The following CDK9 variants were observed in gnomAD, a reference collection of about 807,000 sequenced individuals.
CDK9 encodes cyclin-dependent kinase 9.
CDK9 carries 34 observed loss-of-function variants against 39.0 expected under a neutral mutation model. The ratio of observed to expected loss-of-function variants is 0.87; its 90% CI spans 0.66 to 1.16. CDK9 has a LOEUF of 1.16. CDK9 is among the 50% of genes most tolerant of loss of function. The probability of loss-of-function intolerance (pLI) is 0.00; values close to 1 mark genes in which losing one functional copy is unlikely to be tolerated. For synonymous variants in CDK9, 233 were observed against 196.2 expected (o/e 1.19, Z -1.57); for missense variants, 369 against 503.2 (o/e 0.73, Z 2.55).
At position 127,786,795 on chromosome 9, in the gene CDK9, C is replaced by T. The variant is rs1829329746; in HGVS notation, c.174+13C>T. The T allele has an allele frequency of 1.2e-6, 2 of 1,611,438 alleles. No homozygotes were observed. The highest frequency in any genetic ancestry group is 8.5e-7 in the Non-Finnish European group (1 of 1,178,412). ...CGAGAAGGAGGGGGTGAGTACGGAT[C>T]GGGCGTGCGGGCCGGCCGGCTAACT... On this transcript the variant is annotated intron_variant, in intron 2 of 6. Coordinates refer to ENST00000373264, the MANE Select transcript of CDK9 (RefSeq NM_001261.4).
rs62587186 is a variant in CDK9, at chr9:127,786,547, G to C, written c.93-154G>C. Among the ~76,000 whole-genome samples the C allele has an allele frequency of 8.0e-3, 1,212 of 152,330 alleles. 14 individuals are homozygous for C. The highest frequency in any genetic ancestry group is 0.013 in the Non-Finnish European group (853 of 68,018). On this transcript the variant is annotated intron_variant, in intron 1 of 6. Transcript: ENST00000373264. ...GGAAGCAGAGGCTCCGAACGAGACA[G>C]GCTGCCGGGTGGCGGGGTAGCCGCG... is the stretch of plus-strand genomic sequence containing the variant.
intron 3 of CDK9, 138 bp downstream of exon 3, chr9:127,787,746 A>G (rs1417660793): frequency 8.2e-6 from 7 of 850,954 alleles, no homozygotes; most frequent in South Asian, 1.6e-5. Flanking sequence ...GTCCTCTTTC[A>G]TCGTAGCTGG....
chr9:127,788,027 A>T lies in CDK9; in HGVS notation c.346A>T (p.Asn116Tyr). 6.2e-7 allele frequency: 1 copy of T among 1,614,194 alleles called. No individual in the cohort carries two copies. The highest frequency in any genetic ancestry group is 8.5e-7 in the Non-Finnish European group (1 of 1,180,034). The change falls in exon 4 of 7, where the codon AAT (asparagine) becomes TAT (tyrosine). Residue 116 changes from asparagine (N) to tyrosine (Y), a missense_variant. By Grantham distance (143) the Asn-to-Tyr change is moderately radical. Coordinates refer to ENST00000373264, the MANE Select transcript of CDK9 (RefSeq NM_001261.4). ...CEHDLAGLLSNVLVKFTLSEI... is the reference protein window; with the variant it reads ...CEHDLAGLLSYVLVKFTLSEI... Reference sequence around the variant, plus strand: ...GCATGACCTTGCTGGGCTGTTGAGCAATGTTTTGGTCAAGTTCACGCTGTC... The same window carrying T: ...GCATGACCTTGCTGGGCTGTTGAGCTATGTTTTGGTCAAGTTCACGCTGTC...
rs202049005 is a variant in CDK9 at position 127,788,300 on chromosome 9, C to G, written c.519C>G (p.Ala173=). ...TGGCAGACTTTGGGCTGGCCCGGGCCTTCAGCCTGGCCAAGAACAGCCAGC... is the reference window on the plus strand; with the variant it reads ...TGGCAGACTTTGGGCTGGCCCGGGCGTTCAGCCTGGCCAAGAACAGCCAGC... ...LKLADFGLAR[A]FSLAKNSQPN... Residue 173 remains alanine, a synonymous_variant, in exon 5 of 7, where the codon GCC becomes GCG. Transcript: ENST00000373264. 522 of 1,613,306 alleles carry G rather than the reference C, an allele frequency of 3.2e-4. 1 individual carries two copies. The highest frequency in any genetic ancestry group is 3.9e-4 in the Non-Finnish European group (455 of 1,179,976).
At chr9:127,786,880 T>G in intron 2 of CDK9, 98 bp downstream of exon 2, 1 of 959,744 alleles carries the variant, frequency 1.0e-6, no homozygotes, top group Non-Finnish European at 1.6e-6. Flanking sequence ...GGTTGAGATT[T>G]AATTTTTTTG....
At chr9:127,787,368 A>C in intron 2 of CDK9, 150 bp from the exon 3 acceptor site, 1 of 573,178 alleles carries the variant, frequency 1.7e-6, no homozygotes, top group East Asian at 2.8e-5. Flanking sequence ...GCATGCTACT[A>C]ATATCCATTT....
At chr9:127,788,148 G>C in intron 4 of CDK9, 35 bp downstream of exon 4, 1 of 1,613,650 alleles carries the variant, frequency 6.2e-7, no homozygotes. Flanking sequence ...ACCCAGGCTT[G>C]GGCTGGTCTT....
At chr9:127,788,721 A>G in intron 6 of CDK9, 29 bp downstream of exon 6, 1 of 1,555,904 alleles carries the variant, frequency 6.4e-7, no homozygotes. Flanking sequence ...CACGGGGTGC[A>G]GAGATCGAGG....
At chr9:127,788,773 G>T in intron 6 of CDK9, 81 bp downstream of exon 6, 1 of 1,382,808 alleles carries the variant, frequency 7.2e-7, no homozygotes, top group Non-Finnish European at 9.7e-7. Context: ...TGGAAGGAGC[G>T]CTCCTCTCTG....
chr9:127,789,164 C>A lies in CDK9; in HGVS notation c.754-14C>A. On this transcript the variant is annotated splice_polypyrimidine_tract_variant and intron_variant, in intron 6 of 6. Coordinates refer to ENST00000373264, the MANE Select transcript of CDK9 (RefSeq NM_001261.4). The surrounding 1 kb of genome is among the most constrained non-coding windows in gnomAD (Gnocchi z 5.2). ...ACCGGACTCCATATTCTCTCAACGC[C>A]CCCTCCCTCCCAGGTGTGGCCAAAC... is the stretch of plus-strand genomic sequence containing the variant. 6.5e-7 allele frequency: 1 copy of A among 1,549,086 alleles called. No homozygotes were observed. The highest frequency in any genetic ancestry group is 1.2e-5 in the South Asian group (1 of 81,900).
chr9:127,789,653 T>TC lies in CDK9; in HGVS notation c.*114dup. 7.2e-7 allele frequency: 1 copy of TC among 1,394,438 alleles called. No homozygotes were observed. The allele number at this position is 1,394,438 out of a possible 1,614,324, so 86.4% of individuals were successfully genotyped here. ...TATCTCTCATGCATATTTTATTTAATCCCCACCCTGGGCTCTGGGAGCAGC... is the reference window on the plus strand; with the variant it reads ...TATCTCTCATGCATATTTTATTTAATCCCCCACCCTGGGCTCTGGGAGCAGC... On this transcript the variant is annotated 3_prime_UTR_variant, in exon 7 of 7. Coordinates refer to ENST00000373264, the MANE Select transcript of CDK9 (RefSeq NM_001261.4). The surrounding 1 kb of genome is among the most constrained non-coding windows in gnomAD (Gnocchi z 5.2).
Position 127,789,497 on chromosome 9 carries a change from G to A in CDK9, c.1073G>A (p.Arg358His), listed in dbSNP as rs753758776. 7 of 1,614,094 alleles carry A rather than the reference G, an allele frequency of 4.3e-6. No individual in the cohort carries two copies. Among genetic ancestry groups the A allele is most frequent in the Non-Finnish European group, 5.9e-6 (7 of 1,180,024 alleles). ...ACCCAGCAGTCCACCAACCAGAGTC[G>A]CAATCCCGCCACCACCAACCAGACG... ...QITQQSTNQS[R>H]NPATTNQTEF... Residue 358 changes from arginine (R) to histidine (H), a missense_variant, in exon 7 of 7, where the codon CGC becomes CAC. Coordinates refer to ENST00000373264, the MANE Select transcript of CDK9 (RefSeq NM_001261.4). This position sits in a 1 kb window ranked among gnomAD's most constrained non-coding sequence, Gnocchi z 5.2.
chr9:127,786,306 C>T, intron 1 of CDK9, 66 bp downstream of exon 1: 1 of 1,288,180 alleles, frequency 7.8e-7, no homozygotes, highest in Non-Finnish European at 1.1e-6. Context: ...GTCGGGATGC[C>T]CGGGCCCCCC....
intron 3 of CDK9, 46 bp downstream of exon 3, chr9:127,787,654 G>GTTTTTTTTTT: frequency 7.0e-7 from 1 of 1,428,704 alleles, no homozygotes; most frequent in Non-Finnish European, 9.9e-7. Context: ...GTAGCCTAAG[G>GTTTTTTTTTT]TTTTGTTTGT....
intron 5 of CDK9, 26 bp downstream of exon 5, chr9:127,788,411 G>T (rs369965026): frequency 5.6e-6 from 9 of 1,601,420 alleles, no homozygotes; most frequent in Non-Finnish European, 6.8e-6. Flanking sequence ...CGGGCCAAGG[G>T]GGGTGAGGGC....
intron 5 of CDK9, 27 bp downstream of exon 5, chr9:127,788,412 G>T: frequency 6.2e-7 from 1 of 1,600,510 alleles, no homozygotes; most frequent in Non-Finnish European, 8.5e-7. Flanking sequence ...GGGCCAAGGG[G>T]GGTGAGGGCC....
chr9:127,787,826 A>T, intron 3 of CDK9, 121 bp from the exon 4 acceptor site: 1 of 1,100,758 alleles, frequency 9.1e-7, no homozygotes, highest in Non-Finnish European at 1.3e-6. Flanking sequence ...AGGAAGGAAC[A>T]GACAGATGCT....
At position 127,787,931 on chromosome 9, in the gene CDK9, TC is replaced by T; in HGVS notation, c.266-15del. ...GTGGTTTTCTTGACTTTTTCTTCTTTCTATTCCTGCCTCAGCTTCCCCCTAT... is the reference window on the plus strand; with the variant it reads ...GTGGTTTTCTTGACTTTTTCTTCTTTTATTCCTGCCTCAGCTTCCCCCTAT... On this transcript the variant is annotated splice_polypyrimidine_tract_variant and intron_variant, in intron 3 of 6. Transcript: ENST00000373264. 6.2e-7 allele frequency: 1 copy of T among 1,613,460 alleles called. No individual in the cohort carries two copies. The highest frequency in any genetic ancestry group is 8.5e-7 in the Non-Finnish European group (1 of 1,179,480).
At chr9:127,786,843 TC>T (rs897081474) in intron 2 of CDK9, 61 bp downstream of exon 2, 3 of 1,377,302 alleles carry the variant, frequency 2.2e-6, no homozygotes, top group Non-Finnish European at 3.1e-6. Context: ...GGGTCGGTTT[TC>T]CACCCTGCTG....
Sources: allele counts gnomAD v4.1 joint callset (sites outside exome capture counted in the v4.1 genomes callset), GRCh38; gene constraint gnomAD v4.1.1; non-coding constraint Gnocchi (gnomAD v3.1); transcripts MANE v1.5; gene names NCBI Gene and HGNC (gene_info 2026-07-23, HGNC 2026-07-21).